SLCO1C1: variants seen among roughly 807,000 people sequenced by gnomAD.
SLCO1C1 encodes the protein OAT-RP-5.
In SLCO1C1, 70 loss-of-function variants were observed where a neutral mutation model predicts 76.4. The ratio of observed to expected loss-of-function variants is 0.92; its 90% CI spans 0.76 to 1.12. SLCO1C1 has a LOEUF of 1.12. Among genes scored for constraint, SLCO1C1 ranks in the 50% most tolerant of loss-of-function variants. The pLI is 0.00. For synonymous variants in SLCO1C1, 306 were observed against 286.1 expected (o/e 1.07, Z -0.70); for missense variants, 912 against 823.8 (o/e 1.11, Z -1.31).
At position 20,695,653 on chromosome 12, in the gene SLCO1C1, T is replaced by C. The variant is rs1946234738; in HGVS notation, c.-180T>C. On this transcript the variant is annotated 5_prime_UTR_variant, in exon 1 of 15. Coordinates refer to ENST00000266509, the MANE Select transcript of SLCO1C1 (RefSeq NM_017435.5). ...TCATCTTTTCTTTTCCCTAATCTCC[T>C]CTGCTTGTGTCCACCCACACTCTCC... The C allele has an allele frequency of 6.6e-6, 1 of 152,016 alleles. No individual in the cohort carries two copies. The highest frequency in any genetic ancestry group is 2.1e-4 in the South Asian group (1 of 4,820). 9.4% of individuals were successfully genotyped at this position (152,016 alleles called of 1,614,324 possible).
intron 7 of SLCO1C1, among the ~76,000 whole-genome samples, chr12:20,720,997 CA>C (rs35297084): frequency 0.02 from 895 of 43,974 alleles, no homozygotes; most frequent in South Asian, 0.072. Flanking sequence ...AACTCCATCT[CA>C]AAAAAAAAAA....
intron 7 of SLCO1C1, among the ~76,000 whole-genome samples, chr12:20,717,648 C>CTTTTTTTTTTTTT (rs534946900): frequency 3.3e-4 from 14 of 42,316 alleles, no homozygotes; most frequent in African/African-American, 5.4e-4. Context: ...AACAGCCCTT[C>CTTTTTTTTTTTTT]TTTTTTTTTT....
Position 20,725,189 on chromosome 12 carries a change from A to C in SLCO1C1, c.1186+1935A>C, listed in dbSNP as rs1206168690. ...TTATTATTTATATTATAAATCATAT[A>C]ATTATTTATAATAGTATTTTAAATA... On this transcript the variant is annotated intron_variant, in intron 9 of 14. Coordinates refer to ENST00000266509, the MANE Select transcript of SLCO1C1 (RefSeq NM_017435.5). Among the ~76,000 whole-genome samples the C allele has an allele frequency of 2.9e-5, 4 of 136,968 alleles. No individual in the cohort carries two copies. In the East Asian group the frequency reaches 8.2e-4, roughly 28 times the overall value. The allele number at this position is 136,968 out of a possible 152,430, so 89.9% of individuals were successfully genotyped here.
chr12:20,702,293 A>C (rs1471159865), intron 3 of SLCO1C1, among the ~76,000 whole-genome samples: 1 of 151,822 alleles, frequency 6.6e-6, no homozygotes, highest in Non-Finnish European at 1.5e-5. Flanking sequence ...TTAACAATTT[A>C]TTTCTTTTCA....
At position 20,711,398 on chromosome 12, in the gene SLCO1C1, G is replaced by C; in HGVS notation, c.417G>C (p.Glu139Asp). 1 of 1,612,816 alleles carries C rather than the reference G, an allele frequency of 6.2e-7. No individual in the cohort carries two copies. ...PQFFMEQYKY[E>D]RYSPSSNSTL... Reference sequence around the variant, plus strand: ...TCCTCTTATGCAGGTACAAATATGAGAGATATTCTCCTTCCTCCAATTCCA... The same window carrying C: ...TCCTCTTATGCAGGTACAAATATGACAGATATTCTCCTTCCTCCAATTCCA... Residue 139 changes from glutamate (E) to aspartate (D), a missense_variant, in exon 5 of 15, where the codon GAG becomes GAC. Glu to Asp is a conservative substitution (Grantham distance 45, BLOSUM62 2). Coordinates refer to ENST00000266509, the MANE Select transcript of SLCO1C1 (RefSeq NM_017435.5).
At chr12:20,704,146 T>C (rs1037248597) in intron 3 of SLCO1C1, among the ~76,000 whole-genome samples, 4 of 151,640 alleles carry the variant, frequency 2.6e-5, no homozygotes, top group Non-Finnish European at 5.9e-5. Context: ...AAAGATTTTG[T>C]ATCATCATTT....
At chr12:20,710,848 T>C (rs952286383) in intron 4 of SLCO1C1, among the ~76,000 whole-genome samples, 1 of 152,204 alleles carries the variant, frequency 6.6e-6, no homozygotes, top group African/African-American at 2.4e-5. Context: ...TTTTATCAAG[T>C]TGAATACTTT....
intron 9 of SLCO1C1, among the ~76,000 whole-genome samples, chr12:20,726,516 T>G (rs1029667011): frequency 1.1e-4 from 16 of 152,134 alleles, no homozygotes; most frequent in African/African-American, 2.4e-4. Context: ...TTACTTTAAC[T>G]TTGTGGAAAA....
intron 4 of SLCO1C1, among the ~76,000 whole-genome samples, chr12:20,709,299 G>A (rs1946940701): frequency 6.6e-6 from 1 of 152,068 alleles, no homozygotes; most frequent in South Asian, 2.1e-4. Flanking sequence ...AAACCTAAAC[G>A]TTAATTTTTT....
intron 9 of SLCO1C1, among the ~76,000 whole-genome samples, chr12:20,726,066 C>G (rs1352136690): frequency 1.3e-5 from 2 of 151,954 alleles, no homozygotes; most frequent in Non-Finnish European, 2.9e-5. Flanking sequence ...GTAAGTGGGC[C>G]AATTATTCAA....
chr12:20,734,473 C>T (rs576801458), intron 10 of SLCO1C1, among the ~76,000 whole-genome samples: 13 of 152,286 alleles, frequency 8.5e-5, no homozygotes, highest in African/African-American at 3.1e-4. Flanking sequence ...GGTAGAGGGA[C>T]AGTTGTAGAG....
At position 20,717,215 on chromosome 12, in the gene SLCO1C1, G is replaced by C; in HGVS notation, c.760G>C (p.Gly254Arg). 1 of 1,582,362 alleles carries C rather than the reference G, an allele frequency of 6.3e-7. No individual in the cohort carries two copies. The highest frequency in any genetic ancestry group is 8.5e-7 in the Non-Finnish European group (1 of 1,170,396). ...ATGTGCCAAACTATATGTTGACATT[G>C]GCTTTGTAAACCTAGGTAAGGAAGT... ...SLCAKLYVDI[G>R]FVNLDHITIT... is the part of the protein sequence containing the mutation. Residue 254 changes from glycine to arginine, a missense_variant, in exon 7 of 15, where the codon GGC (glycine) becomes CGC (arginine). By Grantham distance (125) the Gly-to-Arg change is moderately radical. Coordinates refer to ENST00000266509, the MANE Select transcript of SLCO1C1 (RefSeq NM_017435.5).
intron 11 of SLCO1C1, 141 bp downstream of exon 11, chr12:20,737,413 A>T (rs748566969): frequency 8.1e-6 from 7 of 860,108 alleles, no homozygotes; most frequent in Non-Finnish European, 9.9e-6. Context: ...AGAAAAAGAA[A>T]ATGTTATAAC....
At chr12:20,710,444 A>T (rs1304900708) in intron 4 of SLCO1C1, among the ~76,000 whole-genome samples, 1 of 151,848 alleles carries the variant, frequency 6.6e-6, no homozygotes, top group African/African-American at 2.4e-5. Context: ...TGATATTGAG[A>T]TGTTTTCTTA....
intron 1 of SLCO1C1, among the ~76,000 whole-genome samples, chr12:20,697,763 A>G (rs1456046026): frequency 6.6e-6 from 1 of 152,046 alleles, no homozygotes; most frequent in Non-Finnish European, 1.5e-5. Context: ...ATAGAGCAAG[A>G]GTTAATTTGG....
At position 20,715,168 on chromosome 12, in the gene SLCO1C1, T is replaced by C; in HGVS notation, c.559T>C (p.Trp187Arg). 1 of 1,614,078 alleles carries C rather than the reference T, an allele frequency of 6.2e-7. No homozygotes were observed. The highest frequency in any genetic ancestry group is 8.5e-7 in the Non-Finnish European group (1 of 1,179,928). ...TGAAGTGGACACTAGCTCTTCCATG[T>C]GGATTTATGTTTTCCTGGGCAATCT... Reference protein sequence around the residue: ...ECEVDTSSSMWIYVFLGNLLR... With the variant: ...ECEVDTSSSMRIYVFLGNLLR... The change falls in exon 6 of 15, where the codon TGG (tryptophan) becomes CGG (arginine). Residue 187 changes from tryptophan to arginine, a missense_variant. Coordinates refer to ENST00000266509, the MANE Select transcript of SLCO1C1 (RefSeq NM_017435.5).
At chr12:20,742,699 A>G (rs1238348723) in intron 12 of SLCO1C1, among the ~76,000 whole-genome samples, 1 of 67,018 alleles carries the variant, frequency 1.5e-5, no homozygotes, top group South Asian at 1.1e-3. Context: ...ATGCCCAGCT[A>G]ATTTTTTTTT....
intron 3 of SLCO1C1, among the ~76,000 whole-genome samples, chr12:20,704,203 G>A (rs978695872): frequency 2.6e-5 from 4 of 151,118 alleles, no homozygotes; most frequent in Non-Finnish European, 5.9e-5. Flanking sequence ...TACTAAGGAA[G>A]CAAAAACTTT....
intron 13 of SLCO1C1, among the ~76,000 whole-genome samples, chr12:20,748,719 C>G (rs4762772): frequency 0.46 from 69,587 of 151,770 alleles, 17,811 homozygotes; most frequent in South Asian, 0.63. Context: ...TTTCAAGAGG[C>G]AAAGCCAGTT....
Sources: allele counts gnomAD v4.1 joint callset (sites outside exome capture counted in the v4.1 genomes callset), GRCh38; gene constraint gnomAD v4.1.1; transcripts MANE v1.5; gene names NCBI Gene and HGNC (gene_info 2026-07-23, HGNC 2026-07-21).